PPP2R2C: variants seen among roughly 807,000 people sequenced by gnomAD.
PPP2R2C encodes protein phosphatase 2, regulatory subunit B, gamma.
Under a neutral mutation model 45.3 loss-of-function variants are expected in PPP2R2C, and 10 were observed. The observed-to-expected ratio is 0.22, with a 90% CI of 0.14 to 0.37. PPP2R2C has a LOEUF of 0.37. Ranked by LOEUF, PPP2R2C falls within the 10% of genes least tolerant of loss-of-function variation. The pLI is 1.00. For synonymous variants in PPP2R2C, 257 were observed against 245.4 expected, an observed-to-expected ratio of 1.05 and a Z score of -0.44; for missense variants, 308 against 619.7, an observed-to-expected ratio of 0.50 and a Z score of 5.34.
intron 6 of PPP2R2C, among the ~76,000 whole-genome samples, chr4:6,347,570 C>T (rs1351357201): frequency 6.6e-6 from 1 of 152,056 alleles, no homozygotes; most frequent in Non-Finnish European, 1.5e-5. Context: ...TTTGGTGCCT[C>T]CTTACCTTCT....
chr4:6,461,647 A>G (rs1721326399), intron 1 of PPP2R2C, among the ~76,000 whole-genome samples: 1 of 152,008 alleles, frequency 6.6e-6, no homozygotes, highest in South Asian at 2.1e-4. Flanking sequence ...TCCACAATGA[A>G]CTGTTACAAA....
intron 1 of PPP2R2C, among the ~76,000 whole-genome samples, chr4:6,544,876 G>T (rs572631167): frequency 2.0e-5 from 3 of 152,336 alleles, no homozygotes; most frequent in South Asian, 2.1e-4. Context: ...GCACAGTGAG[G>T]TTGATTCCAG....
chr4:6,397,340 G>A (rs573144712), intron 1 of PPP2R2C, among the ~76,000 whole-genome samples: 43 of 152,352 alleles, frequency 2.8e-4, no homozygotes, highest in Admixed American at 1.8e-3. Context: ...AGGCCAGGGG[G>A]AGGCCTCAGC....
intron 1 of PPP2R2C, among the ~76,000 whole-genome samples, chr4:6,442,156 T>C (rs1166648576): frequency 2.0e-5 from 3 of 152,174 alleles, no homozygotes; most frequent in African/African-American, 4.8e-5. Context: ...TGTGGCCTGA[T>C]CTATGGGAAG....
At chr4:6,359,696 C>T (rs146358323) in intron 5 of PPP2R2C, among the ~76,000 whole-genome samples, 2,661 of 151,940 alleles carry the variant, frequency 0.018, 40 homozygotes, top group Middle Eastern at 0.027. Context: ...AGCCCAGCCA[C>T]GCGAGCTCAG....
intron 1 of PPP2R2C, among the ~76,000 whole-genome samples, chr4:6,450,372 T>TG (rs998754209): frequency 6.6e-6 from 1 of 152,166 alleles, no homozygotes; most frequent in African/African-American, 2.4e-5. Flanking sequence ...AACCAGAACA[T>TG]GGGGTCTCTC....
chr4:6,440,734 G>T (rs528220742), intron 1 of PPP2R2C, among the ~76,000 whole-genome samples: 2 of 152,152 alleles, frequency 1.3e-5, no homozygotes, highest in Non-Finnish European at 2.9e-5. Context: ...GATGGACGCC[G>T]CCTGAGTCTG....
intron 6 of PPP2R2C, among the ~76,000 whole-genome samples, chr4:6,336,714 TC>T (rs1221790748): frequency 3.5e-4 from 9 of 25,472 alleles, no homozygotes; most frequent in African/African-American, 2.3e-3. Context: ...CCTCCCTCCC[TC>T]CCTCCCTCCC....
chr4:6,323,015 C>T lies in PPP2R2C; in HGVS notation c.*287G>A. On this transcript the variant is annotated 3_prime_UTR_variant, in exon 9 of 9. Transcript: ENST00000382599. ...CAGGAAGGGACGTGAATGAAAGAAC[C>T]CTGAACTGTAAGACTCCACAGTCAT... The T allele has an allele frequency of 3.2e-6, 1 of 315,232 alleles. No homozygotes were observed. Among genetic ancestry groups the T allele is most frequent in the Non-Finnish European group, 5.8e-6 (1 of 172,712 alleles). 19.5% of individuals were successfully genotyped at this position (315,232 alleles called of 1,614,324 possible). A position where few individuals can be genotyped will look rare whatever the true frequency, so the allele number is the denominator to read the frequency against.
At chr4:6,559,124 A>T (rs1462276570) in intron 1 of PPP2R2C, among the ~76,000 whole-genome samples, 1 of 152,230 alleles carries the variant, frequency 6.6e-6, no homozygotes, top group Non-Finnish European at 1.5e-5. Flanking sequence ...GAATCACAGA[A>T]CAGAACCTAA....
chr4:6,543,931 C>T lies in PPP2R2C; in HGVS notation c.-58-8554G>A, dbSNP rs114157112. 5.5e-3 allele frequency among the ~76,000 whole-genome samples: 843 copies of T among 152,318 alleles called. 6 individuals are homozygous for T. Among genetic ancestry groups the T allele is most frequent in the African/African-American group, 0.019 (798 of 41,576 alleles). ...CATGAGGAATCTCATCTCTGACTTT[C>T]GGCCCCCGAGCTGAGCTGTCAACAC... is the stretch of plus-strand genomic sequence containing the variant. On this transcript the variant is annotated intron_variant, in intron 1 of 9. Transcript: ENST00000506140.
intron 1 of PPP2R2C, among the ~76,000 whole-genome samples, chr4:6,559,328 C>T (rs935177562): frequency 1.3e-5 from 2 of 151,984 alleles, no homozygotes; most frequent in African/African-American, 4.8e-5. Context: ...GTGTATAGTG[C>T]ATAGTGCCCG....
chr4:6,327,728 G>T (rs1472500442), intron 8 of PPP2R2C, among the ~76,000 whole-genome samples: 1 of 152,178 alleles, frequency 6.6e-6, no homozygotes, highest in Non-Finnish European at 1.5e-5. Context: ...AGCTGTGCCA[G>T]CCCAGCCCCG....
chr4:6,501,455 A>G (rs1723051336), intron 2 of PPP2R2C, among the ~76,000 whole-genome samples: 1 of 152,226 alleles, frequency 6.6e-6, no homozygotes, highest in Non-Finnish European at 1.5e-5. Context: ...CCCAGTTCTC[A>G]AGATTGACTG....
intron 1 of PPP2R2C, among the ~76,000 whole-genome samples, chr4:6,403,067 G>A (rs959961414): frequency 6.6e-6 from 1 of 152,274 alleles, no homozygotes; most frequent in Non-Finnish European, 1.5e-5. Context: ...ACTGAGGCCA[G>A]AAGGGGCCAC....
rs372830435 is a variant in PPP2R2C at position 6,529,222 on chromosome 4, C to T, written c.49+6049G>A. Among the ~76,000 whole-genome samples the T allele has an allele frequency of 2.0e-4, 31 of 152,342 alleles. No homozygotes were observed. The South Asian group carries it at 3.1e-3, about 15-fold the overall frequency. On this transcript the variant is annotated intron_variant, in intron 2 of 9. Coordinates refer to the PPP2R2C transcript ENST00000506140. Reference sequence around the variant, plus strand: ...GGCCTAGTCAGCCAGCAAAGGCTCACGGTCAAGGAAGCGACGCAGGAGCTC... The same window carrying T: ...GGCCTAGTCAGCCAGCAAAGGCTCATGGTCAAGGAAGCGACGCAGGAGCTC...
At chr4:6,516,289 C>G (rs1384571238) in intron 2 of PPP2R2C, among the ~76,000 whole-genome samples, 1 of 152,220 alleles carries the variant, frequency 6.6e-6, no homozygotes, top group African/African-American at 2.4e-5. Context: ...CCAGGACCAT[C>G]CTGGGAGAGT....
intron 2 of PPP2R2C, among the ~76,000 whole-genome samples, chr4:6,489,006 A>G (rs1052234537): frequency 2.0e-5 from 3 of 151,590 alleles, no homozygotes; most frequent in African/African-American, 7.3e-5. Flanking sequence ...CTTCTGCATA[A>G]CTCCAGAGCT....
intron 5 of PPP2R2C, 114 bp downstream of exon 5, chr4:6,372,409 G>A (rs1257835487): frequency 8.5e-7 from 1 of 1,170,616 alleles, no homozygotes. Flanking sequence ...CACTGAAGAA[G>A]TTAAACAATG....
Sources: gnomAD v4.1 joint callset for allele counts (sites outside exome capture counted in the v4.1 genomes callset) on GRCh38, gnomAD v4.1.1 for gene constraint, MANE v1.5 for transcripts, NCBI Gene and HGNC (gene_info 2026-07-23, HGNC 2026-07-21) for gene names.